BABAM2: variants seen among roughly 807,000 people sequenced by gnomAD.
BABAM2 encodes the protein BRISC and BRCA1 A complex member 2, also known as BRISC and BRCA1-A complex member 2.
BABAM2 carries 31 observed loss-of-function variants against 54.7 expected under a neutral mutation model. That is an observed-to-expected ratio of 0.57 (90% CI 0.43 to 0.77). The LOEUF (loss-of-function observed/expected upper bound fraction) is 0.77. Among genes scored for constraint, BABAM2 ranks in the 30% least tolerant of loss-of-function variants. BABAM2 has a pLI of 0.00. For synonymous variants in BABAM2, 167 were observed against 162.9 expected (o/e 1.03, Z -0.19); for missense variants, 364 against 455.8 (o/e 0.80, Z 1.83).
At chr2:28,070,556 C>CTTTTT (rs35933472) in intron 6 of BABAM2, among the ~76,000 whole-genome samples, 10 of 147,302 alleles carry the variant, frequency 6.8e-5, no homozygotes, top group African/African-American at 2.5e-4. Context: ...CTTTTCTTTT[C>CTTTTT]TTTTTTTTTT....
intron 7 of BABAM2, among the ~76,000 whole-genome samples, chr2:28,151,122 C>T (rs568043347): frequency 6.6e-6 from 1 of 152,310 alleles, no homozygotes; most frequent in East Asian, 1.9e-4. Context: ...TGACTTTACT[C>T]TGTAGGTTCT....
intron 4 of BABAM2, among the ~76,000 whole-genome samples, chr2:28,005,952 C>T (rs1162975371): frequency 6.6e-6 from 1 of 152,012 alleles, no homozygotes; most frequent in Non-Finnish European, 1.5e-5. Flanking sequence ...AACCAAAATA[C>T]CATTATCTTA....
intron 7 of BABAM2, among the ~76,000 whole-genome samples, chr2:28,159,274 G>A (rs1672829136): frequency 6.6e-6 from 1 of 152,288 alleles, no homozygotes; most frequent in South Asian, 2.1e-4. Flanking sequence ...GAAGAGTAGA[G>A]TCTACTGGCA....
intron 7 of BABAM2, among the ~76,000 whole-genome samples, chr2:28,205,524 A>C (rs1048940506): frequency 6.6e-6 from 1 of 152,098 alleles, no homozygotes; most frequent in Admixed American, 6.5e-5. Context: ...AAAATAAAAA[A>C]TAATTTAAGT....
intron 2 of BABAM2, among the ~76,000 whole-genome samples, chr2:27,929,158 G>T (rs1056692336): frequency 3.3e-5 from 5 of 151,990 alleles, no homozygotes; most frequent in Admixed American, 3.3e-4. Context: ...TGAGGCTGCA[G>T]TGAGCAGAGA....
intron 3 of BABAM2, among the ~76,000 whole-genome samples, chr2:27,982,843 G>A (rs1394067540): frequency 2.1e-5 from 2 of 93,766 alleles, no homozygotes; most frequent in African/African-American, 6.4e-5. Flanking sequence ...TTCATTATGT[G>A]TACACACACA....
intron 7 of BABAM2, among the ~76,000 whole-genome samples, chr2:28,183,854 T>A (rs1675939538): frequency 6.6e-6 from 1 of 152,054 alleles, no homozygotes; most frequent in African/African-American, 2.4e-5. Context: ...ATGCATGTCC[T>A]GTTTATGTTT....
At chr2:28,288,934 C>T (rs1355082162) in intron 10 of BABAM2, among the ~76,000 whole-genome samples, 3 of 151,424 alleles carry the variant, frequency 2.0e-5, no homozygotes, top group Admixed American at 1.3e-4. Context: ...CCTCATTCTT[C>T]CTGGCACTCT....
At chr2:28,068,285 A>C (rs886615844) in intron 6 of BABAM2, among the ~76,000 whole-genome samples, 2 of 152,200 alleles carry the variant, frequency 1.3e-5, no homozygotes, top group Non-Finnish European at 2.9e-5. Context: ...TACAACCTAC[A>C]TATGTAGCGA....
At position 28,061,019 on chromosome 2, in the gene BABAM2, A is replaced by G. The variant is rs184041037; in HGVS notation, c.570+15220A>G. On this transcript the variant is annotated intron_variant, in intron 6 of 11. Coordinates refer to ENST00000379624, the MANE Select transcript of BABAM2 (RefSeq NM_199191.3). ...AAATACCAAGGACCTAGAATAGCCT[A>G]AACAATTTTGAAAAAGAAGAACAAA... Among the ~76,000 whole-genome samples the G allele has an allele frequency of 4.0e-3, 614 of 152,346 alleles. 3 individuals carry two copies. The highest frequency in any genetic ancestry group is 7.3e-3 in the Admixed American group (111 of 15,304).
chr2:28,280,984 G>A (rs1686309455), intron 10 of BABAM2, among the ~76,000 whole-genome samples: 1 of 152,142 alleles, frequency 6.6e-6, no homozygotes, highest in Admixed American at 6.5e-5. Flanking sequence ...TGTGGCCAGG[G>A]TTAAGGTACT....
intron 6 of BABAM2, among the ~76,000 whole-genome samples, chr2:28,119,311 G>T (rs536081590): frequency 6.6e-6 from 1 of 152,324 alleles, no homozygotes; most frequent in African/African-American, 2.4e-5. Flanking sequence ...AAACTTTTAT[G>T]AGTAGAGAAG....
At chr2:28,148,094 G>T (rs1671672898) in intron 7 of BABAM2, among the ~76,000 whole-genome samples, 2 of 152,196 alleles carry the variant, frequency 1.3e-5, no homozygotes, top group Non-Finnish European at 2.9e-5. Context: ...AGGAATGCCA[G>T]AAATACTTTA....
chr2:27,890,592 C>T (rs549921090), upstream of BABAM2: 418 of 484,084 alleles, frequency 8.6e-4, 3 homozygotes, highest in African/African-American at 4.1e-3. This position sits in a 1 kb window ranked among gnomAD's most constrained non-coding sequence, Gnocchi z 4.8. Flanking sequence ...CTCCTCGTCA[C>T]TCACGGGGCA....
At chr2:28,310,041 GA>G (rs762271011) in intron 11 of BABAM2, 9 of 1,591,422 alleles carry the variant, frequency 5.7e-6, no homozygotes, top group South Asian at 2.2e-5. Flanking sequence ...GAACCCTTTT[GA>G]AAAGTATCTT....
At chr2:28,332,277 C>G (rs181879958) in intron 11 of BABAM2, among the ~76,000 whole-genome samples, 2 of 152,284 alleles carry the variant, frequency 1.3e-5, no homozygotes, top group Admixed American at 1.3e-4. Flanking sequence ...ACCTAACGTC[C>G]TGCACGTGGA....
intron 11 of BABAM2, among the ~76,000 whole-genome samples, chr2:28,299,354 T>C (rs1218859468): frequency 1.3e-5 from 2 of 152,232 alleles, no homozygotes; most frequent in African/African-American, 4.8e-5. Context: ...TTTAAGACTT[T>C]GGTGTCTGGA....
intron 10 of BABAM2, among the ~76,000 whole-genome samples, chr2:28,296,817 A>T (rs1687732245): frequency 6.6e-6 from 1 of 152,074 alleles, no homozygotes; most frequent in Non-Finnish European, 1.5e-5. Context: ...ACTCCCGGGT[A>T]GCTGGGATTA....
chr2:28,068,358 C>T (rs1663809821), intron 6 of BABAM2, among the ~76,000 whole-genome samples: 1 of 152,152 alleles, frequency 6.6e-6, no homozygotes, highest in African/African-American at 2.4e-5. Context: ...TGCAGTATAA[C>T]ATTTGTGACC....
Sources: allele counts gnomAD v4.1 joint callset (sites outside exome capture counted in the v4.1 genomes callset), GRCh38; gene constraint gnomAD v4.1.1; non-coding constraint Gnocchi (gnomAD v3.1); transcripts MANE v1.5; gene names NCBI Gene and HGNC (gene_info 2026-07-23, HGNC 2026-07-21).